TEX36: variants seen among roughly 807,000 people sequenced by gnomAD.
The protein encoded by TEX36 is testis-expressed protein 36.
In TEX36, 12 loss-of-function variants were observed where a neutral mutation model predicts 13.6. The ratio of observed to expected loss-of-function variants is 0.88; its 90% CI spans 0.56 to 1.43. The LOEUF is 1.43. Ranked by LOEUF, TEX36 falls within the 40% of genes most tolerant of loss-of-function variation. TEX36 has a pLI of 0.00. For synonymous variants in TEX36, 93 were observed against 83.0 expected (o/e 1.12, Z -0.65); for missense variants, 224 against 228.3 (o/e 0.98, Z 0.12).
At chr10:125,676,047 T>C (rs1213524664) in intron 1 of TEX36, among the ~76,000 whole-genome samples, 1 of 152,268 alleles carries the variant, frequency 6.6e-6, no homozygotes, top group Admixed American at 6.5e-5. Context: ...TGGTCTATCC[T>C]GGAGAATGTT....
intron 3 of TEX36, among the ~76,000 whole-genome samples, chr10:125,607,992 C>T (rs1378828513): frequency 1.3e-5 from 2 of 152,154 alleles, no homozygotes; most frequent in Non-Finnish European, 2.9e-5. Context: ...TTAATGAGTA[C>T]CTACTATGAA....
rs200507352 is a variant in TEX36 at position 125,600,460 on chromosome 10, TG to T, written c.265-23587del. Among the ~76,000 whole-genome samples the T allele has an allele frequency of 7.8e-3, 1,186 of 152,310 alleles. 23 individuals carry two copies. Among genetic ancestry groups the T allele is most frequent in the Non-Finnish European group, 7.8e-3 (531 of 68,014 alleles). On this transcript the variant is annotated intron_variant, in intron 3 of 3. Transcript: ENST00000532135. ...TGTGAGATCCCTGCTGCTGGAATCC[TG>T]GACTCCTGAGCCTGTTGTACTTCTG... is the stretch of plus-strand genomic sequence containing the variant.
At chr10:125,659,275 A>G (rs922607860) in intron 3 of TEX36, among the ~76,000 whole-genome samples, 3 of 152,166 alleles carry the variant, frequency 2.0e-5, no homozygotes, top group African/African-American at 4.8e-5. Flanking sequence ...AAGGCTTTCT[A>G]GAAGACTATC....
At chr10:125,668,931 G>A (rs1469961864) in intron 1 of TEX36, among the ~76,000 whole-genome samples, 1 of 152,186 alleles carries the variant, frequency 6.6e-6, no homozygotes, top group East Asian at 1.9e-4. Context: ...GGCTGAGGCA[G>A]GTGGATCACC....
intron 1 of TEX36, among the ~76,000 whole-genome samples, chr10:125,678,927 G>T (rs1847351703): frequency 1.3e-5 from 2 of 152,262 alleles, no homozygotes; most frequent in South Asian, 4.1e-4. Flanking sequence ...GCAGGAGCAG[G>T]CCCCAGGTGG....
downstream of TEX36, among the ~76,000 whole-genome samples, chr10:125,617,392 T>C (rs1399268776): frequency 1.3e-5 from 2 of 152,264 alleles, no homozygotes; most frequent in African/African-American, 4.8e-5. Flanking sequence ...TGATGGTCTT[T>C]ACATTTTGGC....
At chr10:125,675,762 C>T (rs1847301323) in intron 1 of TEX36, among the ~76,000 whole-genome samples, 1 of 152,296 alleles carries the variant, frequency 6.6e-6, no homozygotes, top group African/African-American at 2.4e-5. Context: ...GTTGCCAGTG[C>T]AGGATTCACT....
intron 3 of TEX36, among the ~76,000 whole-genome samples, chr10:125,649,518 G>T (rs1038314139): frequency 1.3e-5 from 2 of 152,156 alleles, no homozygotes; most frequent in African/African-American, 4.8e-5. Context: ...ACATGGAAAG[G>T]AACAACTGGC....
At chr10:125,640,980 C>A (rs1846682921) in intron 3 of TEX36, among the ~76,000 whole-genome samples, 1 of 151,724 alleles carries the variant, frequency 6.6e-6, no homozygotes, top group Admixed American at 6.6e-5. Context: ...CCCCCCTCCC[C>A]CGGGAATCTT....
intron 3 of TEX36, among the ~76,000 whole-genome samples, chr10:125,597,931 A>C (rs762411379): frequency 3.9e-4 from 59 of 152,170 alleles, no homozygotes; most frequent in Admixed American, 1.2e-3. Flanking sequence ...CTATTGTTGA[A>C]GTTATTATTT....
chr10:125,628,097 A>T (rs1846508758), intron 3 of TEX36, among the ~76,000 whole-genome samples: 1 of 152,248 alleles, frequency 6.6e-6, no homozygotes, highest in Non-Finnish European at 1.5e-5. Context: ...ATTTGAGACC[A>T]TGTAATGATA....
intron 3 of TEX36, among the ~76,000 whole-genome samples, chr10:125,657,862 A>G (rs1026831994): frequency 1.3e-5 from 2 of 152,192 alleles, no homozygotes; most frequent in Non-Finnish European, 2.9e-5. Context: ...GGGAAAAGCT[A>G]CAGTTATTAA....
intron 1 of TEX36, among the ~76,000 whole-genome samples, chr10:125,673,433 C>T (rs1235858343): frequency 2.0e-5 from 3 of 152,092 alleles, no homozygotes; most frequent in Non-Finnish European, 4.4e-5. Context: ...AATGTTGAGG[C>T]TGGGCACTGG....
chr10:125,589,212 A>G (rs1845994443), intron 3 of TEX36, among the ~76,000 whole-genome samples: 1 of 152,220 alleles, frequency 6.6e-6, no homozygotes, highest in Non-Finnish European at 1.5e-5. Context: ...TTTGTTAAAA[A>G]CAGCAAACTC....
chr10:125,636,496 G>C (rs1356641568), intron 3 of TEX36, among the ~76,000 whole-genome samples: 3 of 152,104 alleles, frequency 2.0e-5, no homozygotes, highest in African/African-American at 7.2e-5. Context: ...TTACGGGCGT[G>C]AGCCACCACG....
In TEX36 at chr10:125,590,407, C is replaced by T. The variant is rs142931571; in HGVS notation, c.265-13533G>A. On this transcript the variant is annotated intron_variant, in intron 3 of 3. Coordinates refer to the TEX36 transcript ENST00000532135. ...CTGGGATAACAGATGTGAACCACCA[C>T]GCCTGGCCCTCCTTCTCTTTTATTT... 5.8e-4 allele frequency among the ~76,000 whole-genome samples: 88 copies of T among 152,244 alleles called. No homozygotes were observed. In the East Asian group the frequency reaches 0.015, roughly 26 times the overall value.
At chr10:125,595,866 C>T (rs753163090) in intron 3 of TEX36, among the ~76,000 whole-genome samples, 1 of 152,116 alleles carries the variant, frequency 6.6e-6, no homozygotes, top group Non-Finnish European at 1.5e-5. Flanking sequence ...GAATGTAAAC[C>T]CTACAAGGCA....
At chr10:125,676,697 T>A (rs980965799) in intron 1 of TEX36, among the ~76,000 whole-genome samples, 1 of 152,242 alleles carries the variant, frequency 6.6e-6, no homozygotes, top group African/African-American at 2.4e-5. Context: ...TCTTTCTTCC[T>A]TTCTTTTTAT....
chr10:125,628,878 C>A (rs11244587), intron 3 of TEX36, among the ~76,000 whole-genome samples: 1 of 152,162 alleles, frequency 6.6e-6, no homozygotes, highest in Admixed American at 6.5e-5. Flanking sequence ...AGAAGAGTTA[C>A]TGAGGACTGA....
Sources: gnomAD v4.1 joint callset for allele counts (sites outside exome capture counted in the v4.1 genomes callset) on GRCh38, gnomAD v4.1.1 for gene constraint, MANE v1.5 for transcripts, NCBI Gene and HGNC (gene_info 2026-07-23, HGNC 2026-07-21) for gene names.